Variants in STK39 observed in about 807,000 individuals in gnomAD.
The protein encoded by STK39 is serine/threonine kinase 39.
STK39 carries 20 observed loss-of-function variants against 77.8 expected under a neutral mutation model. That is an observed-to-expected ratio of 0.26 (90% CI 0.18 to 0.37). The LOEUF is 0.37. Among genes scored for constraint, STK39 ranks in the 10% least tolerant of loss-of-function variants. The probability of loss-of-function intolerance (pLI) is 1.00; values close to 1 mark genes in which losing one functional copy is unlikely to be tolerated. For missense variants in STK39, 479 were observed against 656.5 expected (o/e 0.73, Z 2.95); for synonymous variants, 246 against 234.1 (o/e 1.05, Z -0.47).
chr2:167,970,352 A>G (rs1015787001), intron 16 of STK39, among the ~76,000 whole-genome samples: 1 of 152,190 alleles, frequency 6.6e-6, no homozygotes, highest in African/African-American at 2.4e-5. Context: ...GACGGATATC[A>G]ATCTGTGTTG....
chr2:168,116,056 G>A (rs994004394), intron 10 of STK39, among the ~76,000 whole-genome samples: 1 of 152,180 alleles, frequency 6.6e-6, no homozygotes, highest in African/African-American at 2.4e-5. Context: ...GCTGGCTGGA[G>A]TCTATCTCAA....
At chr2:168,148,087 C>A (rs1688188666) in intron 5 of STK39, among the ~76,000 whole-genome samples, 2 of 152,216 alleles carry the variant, frequency 1.3e-5, no homozygotes, top group Non-Finnish European at 1.5e-5. Flanking sequence ...TGGAAGCCAA[C>A]AGGATTCTAG....
intron 16 of STK39, among the ~76,000 whole-genome samples, chr2:167,984,203 A>T (rs1559044324): frequency 6.6e-6 from 1 of 152,260 alleles, no homozygotes; most frequent in Non-Finnish European, 1.5e-5. Flanking sequence ...TATAAACACA[A>T]GTAATGCAAA....
intron 16 of STK39, among the ~76,000 whole-genome samples, chr2:168,003,477 A>AT (rs902103206): frequency 4.6e-5 from 7 of 151,998 alleles, no homozygotes; most frequent in Admixed American, 2.0e-4. Context: ...CTCAGTAAAG[A>AT]TTTTTTTTAA....
At chr2:168,022,526 C>T (rs1216157992) in intron 14 of STK39, among the ~76,000 whole-genome samples, 1 of 152,126 alleles carries the variant, frequency 6.6e-6, no homozygotes, top group East Asian at 1.9e-4. Flanking sequence ...GGATTGGACT[C>T]AATGTTGCTC....
chr2:168,092,644 A>G (rs1272927443), intron 10 of STK39, among the ~76,000 whole-genome samples: 1 of 152,234 alleles, frequency 6.6e-6, no homozygotes, highest in South Asian at 2.1e-4. Flanking sequence ...AGAAAAACTG[A>G]GTTTCACAAG....
At chr2:168,135,153 G>A (rs373071753) in intron 8 of STK39, among the ~76,000 whole-genome samples, 2,086 of 117,428 alleles carry the variant, frequency 0.018, 20 homozygotes, top group Middle Eastern at 0.046. Context: ...ATTGGGGTGT[G>A]TAAATCAATA....
chr2:168,161,274 G>A (rs1355481418), intron 5 of STK39, among the ~76,000 whole-genome samples: 5 of 152,166 alleles, frequency 3.3e-5, no homozygotes, highest in Non-Finnish European at 7.3e-5. Flanking sequence ...CTGATATTGT[G>A]TGTTCATGTA....
At chr2:168,007,794 T>C (rs556604293) in intron 16 of STK39, among the ~76,000 whole-genome samples, 36 of 152,162 alleles carry the variant, frequency 2.4e-4, no homozygotes, top group African/African-American at 7.9e-4. Flanking sequence ...GGGGACACAG[T>C]GCAGAGGACT....
At chr2:168,024,253 T>G (rs1684642294) in intron 14 of STK39, among the ~76,000 whole-genome samples, 1 of 152,194 alleles carries the variant, frequency 6.6e-6, no homozygotes, top group African/African-American at 2.4e-5. Flanking sequence ...GAGGAGATAA[T>G]GTGACCCATG....
chr2:168,007,565 A>G (rs912827764), intron 16 of STK39, among the ~76,000 whole-genome samples: 2 of 152,208 alleles, frequency 1.3e-5, no homozygotes, highest in African/African-American at 4.8e-5. Flanking sequence ...ATTAGGTAGA[A>G]TAACAAAATA....
rs1198923221 is a variant in STK39 at position 168,140,700 on chromosome 2, T to C, written c.687A>G (p.Arg229=). ...AACATGGGGTGCCAACGAATGTTTT[T>C]CTTACTTTATTTCGGGTAACATCAC... ...TGGDVTRNKV[R]KTFVGTPCWM... is the part of the protein sequence containing the mutation. The change falls in exon 6 of 18, where the codon AGA becomes AGG. Residue 229 remains arginine, a synonymous_variant. Coordinates refer to ENST00000355999, the MANE Select transcript of STK39 (RefSeq NM_013233.3). 6 of 1,612,164 alleles carry C rather than the reference T, an allele frequency of 3.7e-6. No homozygotes were observed. Among genetic ancestry groups the C allele is most frequent in the South Asian group, 2.2e-5 (2 of 90,926 alleles).
chr2:168,217,042 C>T (rs181346191), intron 1 of STK39, among the ~76,000 whole-genome samples: 7 of 152,204 alleles, frequency 4.6e-5, no homozygotes, highest in Admixed American at 2.0e-4. Flanking sequence ...CTGCTCAGAC[C>T]TGCCAGGGTT....
In STK39 at chr2:168,003,034, A is replaced by T. The variant is rs113645615; in HGVS notation, c.1498+9600T>A. Among the ~76,000 whole-genome samples the T allele has an allele frequency of 9.0e-3, 1,374 of 152,232 alleles. 19 individuals carry two copies. The highest frequency in any genetic ancestry group is 0.031 in the African/African-American group (1,300 of 41,530). On this transcript the variant is annotated intron_variant, in intron 16 of 17. Transcript: ENST00000355999. ...AGTCTCGCTCTGTCGCCCAGGCTGG[A>T]GGGCAGTGGCACAATCTTGGCTCAC...
At chr2:168,237,209 T>C (rs1454944152) in intron 1 of STK39, among the ~76,000 whole-genome samples, 2 of 152,222 alleles carry the variant, frequency 1.3e-5, no homozygotes, top group Non-Finnish European at 2.9e-5. Flanking sequence ...TTGAAGCAAT[T>C]GTGGATGGAG....
chr2:168,071,795 G>A (rs370617735), intron 12 of STK39, among the ~76,000 whole-genome samples: 5 of 151,510 alleles, frequency 3.3e-5, no homozygotes, highest in Non-Finnish European at 7.4e-5. Context: ...GCGTGAACCC[G>A]GGAAGCACAG....
chr2:168,139,973 G>A (rs76765578), intron 7 of STK39, among the ~76,000 whole-genome samples: 1,606 of 152,204 alleles, frequency 0.011, 27 homozygotes, highest in African/African-American at 0.037. Context: ...GATATTCTCT[G>A]GGAACCTGGC....
At position 168,200,514 on chromosome 2, in the gene STK39, A is replaced by T. The variant is rs1689586310; in HGVS notation, c.209-18424T>A. On this transcript the variant is annotated intron_variant, in intron 1 of 17. Coordinates refer to ENST00000355999, the MANE Select transcript of STK39 (RefSeq NM_013233.3). ...ACCCCATCTCTACTAAAAATACAAA[A>T]AAAAAATAAAAAATTAGCCAGGTGT... is the stretch of plus-strand genomic sequence containing the variant. 2.6e-5 allele frequency among the ~76,000 whole-genome samples: 4 copies of T among 151,882 alleles called. No individual in the cohort carries two copies. In the South Asian group the frequency reaches 8.3e-4, roughly 32 times the overall value.
chr2:168,186,035 A>G (rs1215999183), intron 1 of STK39, among the ~76,000 whole-genome samples: 2 of 152,140 alleles, frequency 1.3e-5, no homozygotes, highest in East Asian at 1.9e-4. Flanking sequence ...CTAATCCCCA[A>G]TGTGACTATA....
Sources: gnomAD v4.1 joint callset for allele counts (sites outside exome capture counted in the v4.1 genomes callset) on GRCh38, gnomAD v4.1.1 for gene constraint, MANE v1.5 for transcripts, NCBI Gene and HGNC (gene_info 2026-07-23, HGNC 2026-07-21) for gene names.